Variants in ASCC3 observed in about 807,000 individuals in gnomAD.
The protein encoded by ASCC3 is activating signal cointegrator 1 complex subunit 3.
A neutral mutation model predicts 256.3 loss-of-function variants in ASCC3; 158 were observed. The observed-to-expected ratio is 0.62, with a 90% CI of 0.54 to 0.70. The LOEUF is 0.70. ASCC3 is among the 30% of genes least tolerant of loss of function. The pLI is 0.00. For missense variants in ASCC3, 2,259 were observed against 2,626.0 expected, an observed-to-expected ratio of 0.86 and a Z score of 3.05; for synonymous variants, 948 against 883.4, an observed-to-expected ratio of 1.07 and a Z score of -1.30.
intron 4 of ASCC3, among the ~76,000 whole-genome samples, chr6:100,835,867 T>C (rs1771850954): frequency 6.6e-6 from 1 of 152,280 alleles, no homozygotes; most frequent in African/African-American, 2.4e-5. Context: ...ACATTAATTC[T>C]TCCAATTCAC....
chr6:100,769,482 T>A (rs1211917921), intron 8 of ASCC3, among the ~76,000 whole-genome samples: 1 of 151,868 alleles, frequency 6.6e-6, no homozygotes. Flanking sequence ...TACCATTATT[T>A]ATTATTTGTC....
intron 36 of ASCC3, among the ~76,000 whole-genome samples, chr6:100,576,250 C>G (rs996462268): frequency 1.3e-5 from 2 of 151,862 alleles, no homozygotes; most frequent in Non-Finnish European, 2.9e-5. Flanking sequence ...CTAACATTTT[C>G]CAAAATAGCA....
At chr6:100,741,964 C>T (rs1780455234) in intron 10 of ASCC3, among the ~76,000 whole-genome samples, 1 of 152,106 alleles carries the variant, frequency 6.6e-6, no homozygotes, top group Admixed American at 6.6e-5. Context: ...GAGTTTTCGG[C>T]ATTTTTGTGT....
At chr6:100,732,404 G>C (rs1186734800) in intron 10 of ASCC3, among the ~76,000 whole-genome samples, 1 of 152,072 alleles carries the variant, frequency 6.6e-6, no homozygotes, top group Non-Finnish European at 1.5e-5. Context: ...CAGAGGAAAG[G>C]GGGAATCTAA....
chr6:100,531,568 A>AT (rs756369350), intron 37 of ASCC3, among the ~76,000 whole-genome samples: 1 of 116,084 alleles, frequency 8.6e-6, no homozygotes, highest in Non-Finnish European at 1.9e-5. Flanking sequence ...GTTTGGGGGG[A>AT]ATTTTTTTTT....
In ASCC3 at chr6:100,656,939, A is replaced by G. The variant is rs1394613064; in HGVS notation, c.2704-1121T>C. 2.0e-5 allele frequency among the ~76,000 whole-genome samples: 3 copies of G among 151,114 alleles called. No homozygotes were observed. In the East Asian group the frequency reaches 5.8e-4, roughly 29 times the overall value. On this transcript the variant is annotated intron_variant, in intron 16 of 41. Transcript: ENST00000369162. ...ACCTAAATTATTAATTTTAGGAGAAAAAAAAGGAAAAACAAACCCTCTCGA... is the reference window on the plus strand; with the variant it reads ...ACCTAAATTATTAATTTTAGGAGAAGAAAAAGGAAAAACAAACCCTCTCGA...
At chr6:100,662,155 C>A (rs1582653920) in intron 15 of ASCC3, 125 bp from the exon 16 acceptor site, 1 of 1,136,626 alleles carries the variant, frequency 8.8e-7, no homozygotes, top group Non-Finnish European at 1.3e-6. Context: ...ATCCTTTCAT[C>A]ATCTGTGATA....
chr6:100,512,497 A>G (rs1391290666), intron 40 of ASCC3, among the ~76,000 whole-genome samples: 1 of 152,194 alleles, frequency 6.6e-6, no homozygotes, highest in East Asian at 1.9e-4. Flanking sequence ...TCTAGGCAAT[A>G]TATTCTTATG....
At chr6:100,664,038 G>C (rs1448803719) in intron 14 of ASCC3, among the ~76,000 whole-genome samples, 1 of 152,098 alleles carries the variant, frequency 6.6e-6, no homozygotes, top group African/African-American at 2.4e-5. Flanking sequence ...TGCTGTAGCA[G>C]AAGGTCTTAA....
In ASCC3 at chr6:100,531,124, G is replaced by T. The variant is rs1468631571; in HGVS notation, c.5775+9039C>A. 11 of 948,438 alleles carry T rather than the reference G, an allele frequency of 1.2e-5. No homozygotes were observed. In the East Asian group the frequency reaches 2.4e-4, roughly 21 times the overall value. 58.8% of individuals were successfully genotyped at this position (948,438 alleles called of 1,614,324 possible). A position where few individuals can be genotyped will look rare whatever the true frequency, so the allele number is the denominator to read the frequency against. On this transcript the variant is annotated intron_variant, in intron 37 of 41. Transcript: ENST00000369162. ...AACAGAAAATTGCACAATTTCTGCT[G>T]GCTGGACTGAACTAAAGATCAATTC... is the stretch of plus-strand genomic sequence containing the variant.
At chr6:100,848,121 T>TA (rs1217938996) in intron 4 of ASCC3, 27 bp downstream of exon 4, 2 of 1,541,296 alleles carry the variant, frequency 1.3e-6, no homozygotes, top group South Asian at 1.3e-5. Context: ...CACATTAATA[T>TA]AAAAAAATAA....
At chr6:100,576,482 G>A (rs750431756) in intron 36 of ASCC3, among the ~76,000 whole-genome samples, 1 of 151,774 alleles carries the variant, frequency 6.6e-6, no homozygotes, top group Non-Finnish European at 1.5e-5. Context: ...GATAAAGATA[G>A]AATATGTCGA....
At chr6:100,713,101 C>A (rs986407650) in intron 13 of ASCC3, among the ~76,000 whole-genome samples, 2 of 152,058 alleles carry the variant, frequency 1.3e-5, no homozygotes, top group African/African-American at 4.8e-5. Context: ...TGATAACTTA[C>A]GTCCGGACAA....
intron 8 of ASCC3, among the ~76,000 whole-genome samples, chr6:100,790,590 T>C (rs76503878): frequency 0.037 from 5,631 of 152,054 alleles, 206 homozygotes; most frequent in Admixed American, 0.11. Flanking sequence ...ATGGACTAAA[T>C]CCAGTTCTAA....
At chr6:100,771,467 T>C (rs1386383173) in intron 8 of ASCC3, among the ~76,000 whole-genome samples, 1 of 151,754 alleles carries the variant, frequency 6.6e-6, no homozygotes, top group East Asian at 1.9e-4. Context: ...GTTAAGAAAA[T>C]AAAAAGATAA....
rs911548929 is a variant in ASCC3, at chr6:100,679,731, G to A, written c.2173C>T (p.Arg725Ter). 6.8e-6 allele frequency: 11 copies of A among 1,613,212 alleles called. No homozygotes were observed. Among genetic ancestry groups the A allele is most frequent in the South Asian group, 1.1e-5 (1 of 91,054 alleles). The change falls in exon 14 of 42, where the codon CGA (arginine) becomes TGA (stop). Residue 725 changes from arginine (R) to a stop codon, truncating the protein, a stop_gained. Coordinates refer to ENST00000369162, the MANE Select transcript of ASCC3 (RefSeq NM_006828.4). LOFTEE classifies it high-confidence loss of function. Reference protein sequence around the residue: ...GHQVMVFVHARNATVRTAMSL... With the variant: ...GHQVMVFVHA Reference sequence around the variant, plus strand: ...ATAGCTGTTCTTACAGTGGCATTTCGAGCATGTACAAACACCATCACCTGA... The same window carrying A: ...ATAGCTGTTCTTACAGTGGCATTTCAAGCATGTACAAACACCATCACCTGA...
At chr6:100,517,930 T>A in intron 38 of ASCC3, 61 bp downstream of exon 38, 1 of 1,549,474 alleles carries the variant, frequency 6.5e-7, no homozygotes, top group Non-Finnish European at 8.9e-7. Context: ...TGACTACATA[T>A]ATAAAAAATA....
chr6:100,746,589 A>G (rs1003501162), intron 10 of ASCC3, among the ~76,000 whole-genome samples: 1 of 152,286 alleles, frequency 6.6e-6, no homozygotes, highest in Non-Finnish European at 1.5e-5. Context: ...AATTAATAAC[A>G]GCTAGAAGCC....
chr6:100,779,167 A>G (rs1369494412), intron 8 of ASCC3, among the ~76,000 whole-genome samples: 1 of 152,212 alleles, frequency 6.6e-6, no homozygotes, highest in Non-Finnish European at 1.5e-5. Flanking sequence ...ATTCAATGAA[A>G]TAATATGCAT....
Sources: allele counts gnomAD v4.1 joint callset (sites outside exome capture counted in the v4.1 genomes callset), GRCh38; gene constraint gnomAD v4.1.1; transcripts MANE v1.5; gene names NCBI Gene and HGNC (gene_info 2026-07-23, HGNC 2026-07-21).